Variants in RBFOX1 observed in about 807,000 individuals in gnomAD.
RBFOX1 encodes RNA binding protein fox-1 homolog 1.
A neutral mutation model predicts 57.7 loss-of-function variants in RBFOX1; 8 were observed. The ratio of observed to expected loss-of-function variants is 0.14; its 90% CI spans 0.08 to 0.25. RBFOX1 has a LOEUF of 0.25. Ranked by LOEUF, RBFOX1 falls within the 10% of genes least tolerant of loss-of-function variation. The pLI is 1.00. For synonymous variants in RBFOX1, 326 were observed against 222.4 expected, an observed-to-expected ratio of 1.47 and a Z score of -4.15; for missense variants, 611 against 548.5, an observed-to-expected ratio of 1.11 and a Z score of -1.14.
chr16:7,700,771 G>A (rs2080417337), intron 14 of RBFOX1, among the ~76,000 whole-genome samples: 1 of 152,260 alleles, frequency 6.6e-6, no homozygotes, highest in East Asian at 1.9e-4. Context: ...CTCCGAGAGT[G>A]GCTGCTATTC....
intron 3 of RBFOX1, among the ~76,000 whole-genome samples, chr16:6,901,587 T>C (rs948752825): frequency 1.3e-5 from 2 of 152,192 alleles, no homozygotes; most frequent in East Asian, 3.9e-4. Flanking sequence ...TCAATTATGC[T>C]GTGAGAGGCT....
chr16:6,195,589 C>T (rs911996087), intron 1 of RBFOX1, among the ~76,000 whole-genome samples: 4 of 151,936 alleles, frequency 2.6e-5, no homozygotes, highest in Non-Finnish European at 4.4e-5. Context: ...CGTGGTGGCA[C>T]GTGCCTGTAG....
At chr16:5,884,915 C>G (rs1203930599) in intron 4 of RBFOX1, among the ~76,000 whole-genome samples, 2 of 152,124 alleles carry the variant, frequency 1.3e-5, no homozygotes, top group Non-Finnish European at 2.9e-5. Context: ...CACTCAGAAT[C>G]TCTTTAGACT....
chr16:7,293,984 A>C (rs747137719), intron 4 of RBFOX1, among the ~76,000 whole-genome samples: 2 of 152,092 alleles, frequency 1.3e-5, no homozygotes, highest in Non-Finnish European at 1.5e-5. Flanking sequence ...CTTAATGACA[A>C]CTCATCTTGT....
chr16:7,350,905 C>T (rs768074722), intron 4 of RBFOX1, among the ~76,000 whole-genome samples: 1 of 152,076 alleles, frequency 6.6e-6, no homozygotes, highest in Admixed American at 6.5e-5. Flanking sequence ...TGTTAATGAC[C>T]CAAGAATGCA....
intron 1 of RBFOX1, among the ~76,000 whole-genome samples, chr16:6,032,653 C>G (rs779113225): frequency 1.3e-5 from 2 of 152,010 alleles, no homozygotes; most frequent in Non-Finnish European, 2.9e-5. Flanking sequence ...TCAGTGTGCC[C>G]TTGCCATTTG....
chr16:7,270,536 G>A (rs775570992), intron 4 of RBFOX1, among the ~76,000 whole-genome samples: 1 of 152,190 alleles, frequency 6.6e-6, no homozygotes, highest in African/African-American at 2.4e-5. Context: ...AGACCTTCTT[G>A]CAATGCAGTG....
chr16:6,779,258 A>G lies in RBFOX1; in HGVS notation c.-16+124608A>G, dbSNP rs570221098. Among the ~76,000 whole-genome samples, 12 of 152,208 alleles carry G rather than the reference A, an allele frequency of 7.9e-5. No homozygotes were observed. In the South Asian group the frequency reaches 2.1e-3, roughly 26 times the overall value. ...TTTTAGCTCCCGCATTTGTATGAGC[A>G]CATGCAATATTTGTCTTTCTGTGCC... On this transcript the variant is annotated intron_variant, in intron 3 of 15. Transcript: ENST00000550418.
intron 1 of RBFOX1, among the ~76,000 whole-genome samples, chr16:6,083,070 C>A (rs990816440): frequency 6.6e-6 from 1 of 151,884 alleles, no homozygotes; most frequent in African/African-American, 2.4e-5. Context: ...GGCATGATCT[C>A]GGCTCACTGC....
At chr16:5,500,858 T>G (rs1567167140) in intron 2 of RBFOX1, among the ~76,000 whole-genome samples, 1 of 152,176 alleles carries the variant, frequency 6.6e-6, no homozygotes, top group Non-Finnish European at 1.5e-5. Context: ...GATTATAGCT[T>G]TTTCTCTAGT....
At chr16:6,964,925 C>G (rs775068526) in intron 3 of RBFOX1, among the ~76,000 whole-genome samples, 4 of 152,318 alleles carry the variant, frequency 2.6e-5, no homozygotes, top group Middle Eastern at 3.4e-3. Flanking sequence ...ATCCCCATCT[C>G]TGCGGATTAA....
intron 2 of RBFOX1, among the ~76,000 whole-genome samples, chr16:6,440,049 G>A (rs1160173560): frequency 6.6e-6 from 1 of 150,748 alleles, no homozygotes; most frequent in African/African-American, 2.4e-5. Flanking sequence ...CAATCCTCCT[G>A]CCTCAGCCTC....
intron 4 of RBFOX1, among the ~76,000 whole-genome samples, chr16:5,908,147 C>CATATAT (rs764804676): frequency 1.4e-5 from 2 of 142,318 alleles, no homozygotes; most frequent in African/African-American, 5.5e-5. Context: ...CATATATACA[C>CATATAT]ATATATACAC....
chr16:7,399,266 G>A (rs999237707), intron 4 of RBFOX1, among the ~76,000 whole-genome samples: 3 of 152,094 alleles, frequency 2.0e-5, no homozygotes, highest in Admixed American at 6.5e-5. Flanking sequence ...TGACCAACAC[G>A]GAGAAACCCC....
At chr16:5,343,303 T>G (rs994661721) in intron 1 of RBFOX1, among the ~76,000 whole-genome samples, 1 of 143,436 alleles carries the variant, frequency 7.0e-6, no homozygotes, top group African/African-American at 2.9e-5. Flanking sequence ...TTGAAGTTTT[T>G]TTTTTTTTTT....
At chr16:7,637,619 C>T (rs970483262) in intron 11 of RBFOX1, among the ~76,000 whole-genome samples, 1 of 152,132 alleles carries the variant, frequency 6.6e-6, no homozygotes, top group African/African-American at 2.4e-5. Flanking sequence ...TGTCAGTGGG[C>T]TGGACTCAGT....
intron 2 of RBFOX1, among the ~76,000 whole-genome samples, chr16:5,476,092 A>C (rs2069312646): frequency 6.6e-6 from 1 of 152,000 alleles, no homozygotes; most frequent in Admixed American, 6.6e-5. Context: ...TCTTAGACTT[A>C]TGTTATTGAC....
chr16:6,075,932 A>G (rs138167107), intron 1 of RBFOX1, among the ~76,000 whole-genome samples: 317 of 152,320 alleles, frequency 2.1e-3, no homozygotes, highest in African/African-American at 7.2e-3. Flanking sequence ...TGAGGCAGGT[A>G]CATTTGATTA....
At chr16:5,410,618 T>G (rs2066995129) in intron 1 of RBFOX1, among the ~76,000 whole-genome samples, 1 of 152,216 alleles carries the variant, frequency 6.6e-6, no homozygotes, top group South Asian at 2.1e-4. Context: ...TTACAGTGAC[T>G]TACACAGTCA....
Sources: allele counts gnomAD v4.1 joint callset (sites outside exome capture counted in the v4.1 genomes callset), GRCh38; gene constraint gnomAD v4.1.1; transcripts MANE v1.5; gene names NCBI Gene and HGNC (gene_info 2026-07-23, HGNC 2026-07-21).